MYO18B: variants seen among roughly 807,000 people sequenced by gnomAD.
MYO18B encodes myosin XVIIIB.
MYO18B carries 204 observed loss-of-function variants against 273.0 expected under a neutral mutation model. The observed-to-expected ratio is 0.75, with a 90% CI of 0.67 to 0.84. The LOEUF (loss-of-function observed/expected upper bound fraction) is 0.84. MYO18B is among the 40% of genes least tolerant of loss of function. The probability of loss-of-function intolerance (pLI) is 0.00; values close to 1 mark genes in which losing one functional copy is unlikely to be tolerated. For synonymous variants in MYO18B, 1,330 were observed against 1,305.7 expected (o/e 1.02, Z -0.40); for missense variants, 3,212 against 3,287.6 (o/e 0.98, Z 0.56).
chr22:25,909,953 G>T (rs747097282), intron 32 of MYO18B, among the ~76,000 whole-genome samples: 1 of 152,138 alleles, frequency 6.6e-6, no homozygotes, highest in Non-Finnish European at 1.5e-5. Flanking sequence ...TTGCCCACCC[G>T]TGAAATAGGA....
chr22:25,744,847 C>T (rs2085731145), intron 1 of MYO18B, among the ~76,000 whole-genome samples: 1 of 152,096 alleles, frequency 6.6e-6, no homozygotes, highest in Non-Finnish European at 1.5e-5. Flanking sequence ...CTGCCAAATC[C>T]AACCCCTCCT....
rs564776939 is a variant in MYO18B at position 25,940,755 on chromosome 22, A to G, written c.5518-5382A>G. ...CCAGGCTTCCAGGACCCACAATCAC[A>G]GAAGAGTCAGGGCCCCACCAAATAT... On this transcript the variant is annotated intron_variant, in intron 34 of 43. Transcript: ENST00000335473. Among the ~76,000 whole-genome samples the G allele has an allele frequency of 3.3e-5, 5 of 152,316 alleles. No homozygotes were observed. The East Asian group carries it at 9.6e-4, about 29-fold the overall frequency.
chr22:26,034,790 A>G (rs1161432116), downstream of MYO18B, among the ~76,000 whole-genome samples: 2 of 152,230 alleles, frequency 1.3e-5, no homozygotes, highest in East Asian at 3.8e-4. Context: ...AGGTAATTTT[A>G]CAGGTGGGGA....
intron 11 of MYO18B, among the ~76,000 whole-genome samples, chr22:25,789,874 C>T (rs1013165939): frequency 9.2e-5 from 14 of 151,742 alleles, no homozygotes; most frequent in African/African-American, 7.3e-5. Context: ...ACTTTCTGGC[C>T]GGGCATGGTG....
At chr22:25,770,582 C>G (rs1050019570) in intron 5 of MYO18B, among the ~76,000 whole-genome samples, 1 of 152,074 alleles carries the variant, frequency 6.6e-6, no homozygotes, top group African/African-American at 2.4e-5. Context: ...AAATGGCAGT[C>G]TGTGTGTGAG....
At chr22:26,043,694 T>G in the MYO18B span, among the ~76,000 whole-genome samples, 1 of 151,940 alleles carries the variant, frequency 6.6e-6, no homozygotes, top group Admixed American at 6.6e-5. Flanking sequence ...TTTTGTATTT[T>G]TAGTAAAGAT....
intron 32 of MYO18B, among the ~76,000 whole-genome samples, chr22:25,908,965 T>C (rs896560266): frequency 5.9e-5 from 9 of 152,240 alleles, no homozygotes; most frequent in Non-Finnish European, 1.0e-4. Flanking sequence ...TGAGGCCATG[T>C]GGTTCTGAAG....
At chr22:25,959,649 A>G (rs2092896209) in intron 39 of MYO18B, among the ~76,000 whole-genome samples, 1 of 152,120 alleles carries the variant, frequency 6.6e-6, no homozygotes, top group Non-Finnish European at 1.5e-5. Flanking sequence ...CCAAGCATTC[A>G]TTTATTCATT....
chr22:25,946,200 C>A lies in MYO18B; in HGVS notation c.5581C>A (p.Leu1861Met). ...LKTQKVLTAD[L>M]ESMHSELENM... ...GACGCAGAAGGTGCTCACAGCGGAC[C>A]TGGAGAGCATGCACAGCGAGCTGGA... The change falls in exon 35 of 44, where the codon CTG becomes ATG. Residue 1861 changes from leucine (L) to methionine (M), a missense_variant. Leu to Met is a conservative substitution (Grantham distance 15, BLOSUM62 2). Coordinates refer to ENST00000335473, the MANE Select transcript of MYO18B (RefSeq NM_032608.7). 6.3e-7 allele frequency: 1 copy of A among 1,584,598 alleles called. No homozygotes were observed. Among genetic ancestry groups the A allele is most frequent in the Non-Finnish European group, 8.6e-7 (1 of 1,167,514 alleles).
chr22:25,880,776 A>C (rs1416986861), intron 25 of MYO18B, among the ~76,000 whole-genome samples: 1 of 152,256 alleles, frequency 6.6e-6, no homozygotes, highest in Non-Finnish European at 1.5e-5. Context: ...ATGAAGCAGA[A>C]GGAGGTGACA....
intron 39 of MYO18B, among the ~76,000 whole-genome samples, chr22:25,991,027 C>A (rs2093264587): frequency 8.5e-6 from 1 of 117,218 alleles, no homozygotes; most frequent in African/African-American, 4.0e-5. Flanking sequence ...CTGCTCGGAT[C>A]TATTCCGTTT....
chr22:25,966,601 C>T (rs907966067), intron 39 of MYO18B, among the ~76,000 whole-genome samples: 4 of 152,138 alleles, frequency 2.6e-5, no homozygotes, highest in Admixed American at 6.5e-5. Flanking sequence ...TGACCCAACA[C>T]GCTTATAAAC....
At chr22:25,808,529 C>T (rs1005104397) in intron 12 of MYO18B, among the ~76,000 whole-genome samples, 6 of 152,182 alleles carry the variant, frequency 3.9e-5, no homozygotes, top group Non-Finnish European at 8.8e-5. Context: ...CCCAGCTGGC[C>T]AAGCTGGTGG....
chr22:26,041,856 C>T, the MYO18B span, among the ~76,000 whole-genome samples: 2 of 152,198 alleles, frequency 1.3e-5, no homozygotes, highest in African/African-American at 4.8e-5. Context: ...GTGTCACAAC[C>T]TGGCAGATGA....
intron 7 of MYO18B, among the ~76,000 whole-genome samples, chr22:25,773,537 C>T (rs989895367): frequency 6.6e-6 from 1 of 152,146 alleles, no homozygotes; most frequent in African/African-American, 2.4e-5. Flanking sequence ...GATCTCGGCT[C>T]ACTGCAAGCG....
intron 25 of MYO18B, among the ~76,000 whole-genome samples, chr22:25,887,225 C>G (rs923046183): frequency 6.6e-6 from 1 of 152,120 alleles, no homozygotes; most frequent in Non-Finnish European, 1.5e-5. Context: ...AGAACAGGAC[C>G]TGGCACACAG....
At chr22:26,045,345 A>T in the MYO18B span, among the ~76,000 whole-genome samples, 1 of 152,144 alleles carries the variant, frequency 6.6e-6, no homozygotes, top group African/African-American at 2.4e-5. Flanking sequence ...AGACACGTAG[A>T]TGGAGTTAGG....
intron 34 of MYO18B, among the ~76,000 whole-genome samples, chr22:25,926,114 A>T (rs1601593005): frequency 2.0e-5 from 3 of 151,790 alleles, no homozygotes; most frequent in Admixed American, 2.0e-4. Flanking sequence ...CTGAGGCAGG[A>T]GAATGGCATG....
chr22:25,929,654 C>T (rs538744592), intron 34 of MYO18B, among the ~76,000 whole-genome samples: 6 of 152,234 alleles, frequency 3.9e-5, no homozygotes, highest in African/African-American at 7.2e-5. Flanking sequence ...ACTCTTTAGT[C>T]GTTTACTTAA....
Sources: gnomAD v4.1 joint callset for allele counts (sites outside exome capture counted in the v4.1 genomes callset) on GRCh38, gnomAD v4.1.1 for gene constraint, MANE v1.5 for transcripts, NCBI Gene and HGNC (gene_info 2026-07-23, HGNC 2026-07-21) for gene names.